Variants in COG5 observed in about 807,000 individuals in gnomAD.
COG5 encodes the protein component of oligomeric golgi complex 5, also known as conserved oligomeric Golgi complex subunit 5.
COG5 carries 86 observed loss-of-function variants against 110.4 expected under a neutral mutation model. The ratio of observed to expected loss-of-function variants is 0.78; its 90% CI spans 0.65 to 0.93. COG5 has a LOEUF of 0.93. Ranked by LOEUF, COG5 falls within the 40% of genes least tolerant of loss-of-function variation. The pLI, the probability that COG5 is intolerant of heterozygous loss-of-function variation, is 0.00. For synonymous variants in COG5, 360 were observed against 334.6 expected (o/e 1.08, Z -0.83); for missense variants, 1,077 against 987.0 (o/e 1.09, Z -1.22).
chr7:107,461,529 T>G (rs1471921661), intron 6 of COG5, among the ~76,000 whole-genome samples: 2 of 152,212 alleles, frequency 1.3e-5, no homozygotes, highest in Non-Finnish European at 2.9e-5. Context: ...CAGTTATGTC[T>G]GCTCTCACCA....
intron 6 of COG5, among the ~76,000 whole-genome samples, chr7:107,415,112 G>C (rs1319597745): frequency 3.9e-5 from 6 of 152,190 alleles, no homozygotes; most frequent in African/African-American, 1.4e-4. Flanking sequence ...AAAGAATTCA[G>C]CTATGCACTT....
At chr7:107,352,039 G>A (rs1245347999) in intron 10 of COG5, among the ~76,000 whole-genome samples, 1 of 145,850 alleles carries the variant, frequency 6.9e-6, no homozygotes, top group Non-Finnish European at 1.5e-5. Context: ...ATTCACAATA[G>A]CAAAGACTTG....
intron 5 of COG5, 23 bp from the exon 6 acceptor site, chr7:107,527,380 A>G: frequency 6.2e-7 from 1 of 1,612,132 alleles, no homozygotes; most frequent in Non-Finnish European, 8.5e-7. Context: ...CACAATGTTA[A>G]GTTAGTTGAT....
At chr7:107,256,980 T>G (rs1802936820) in intron 15 of COG5, among the ~76,000 whole-genome samples, 186 bp from the exon 16 acceptor site, 1 of 152,174 alleles carries the variant, frequency 6.6e-6, no homozygotes, top group Non-Finnish European at 1.5e-5. Flanking sequence ...AAAATAATTT[T>G]GTGTATAAAG....
chr7:107,485,881 A>T lies in COG5; in HGVS notation c.538+41356T>A, dbSNP rs145264575. Among the ~76,000 whole-genome samples, 189 of 152,274 alleles carry T rather than the reference A, an allele frequency of 1.2e-3. 2 individuals are homozygous for T. The highest frequency in any genetic ancestry group is 4.3e-3 in the African/African-American group (180 of 41,570). On this transcript the variant is annotated intron_variant, in intron 6 of 21. Coordinates refer to ENST00000297135, the MANE Select transcript of COG5 (RefSeq NM_006348.5). The stretch of plus-strand genomic sequence containing the variant: ...GCTCAAAGGAAAAGGAGGCACATGT[A>T]CCTGGAAAAGCTGTAGAAAACAAAT...
At chr7:107,500,824 T>A (rs1798587125) in intron 6 of COG5, among the ~76,000 whole-genome samples, 1 of 152,082 alleles carries the variant, frequency 6.6e-6, no homozygotes, top group Non-Finnish European at 1.5e-5. Context: ...AACTGCAAGC[T>A]ATTTTACTGA....
chr7:107,267,417 A>G (rs1803890042), intron 14 of COG5, among the ~76,000 whole-genome samples: 1 of 152,190 alleles, frequency 6.6e-6, no homozygotes, highest in Non-Finnish European at 1.5e-5. Context: ...CCCATGACCT[A>G]AACACTGGCC....
intron 16 of COG5, among the ~76,000 whole-genome samples, chr7:107,249,132 T>C (rs1274642422): frequency 1.3e-5 from 2 of 152,200 alleles, no homozygotes; most frequent in African/African-American, 2.4e-5. Context: ...ATGTTTCTAA[T>C]AGGGCACAAC....
chr7:107,551,852 G>A (rs1802911953), intron 3 of COG5, among the ~76,000 whole-genome samples: 1 of 152,182 alleles, frequency 6.6e-6, no homozygotes, highest in African/African-American at 2.4e-5. Flanking sequence ...CTGGGATCAA[G>A]TGAACCTCCC....
intron 14 of COG5, among the ~76,000 whole-genome samples, chr7:107,276,121 C>G (rs1433278008): frequency 6.6e-6 from 1 of 152,162 alleles, no homozygotes. Context: ...TGCCAATCTC[C>G]TTTCTCACAG....
At chr7:107,408,684 C>A (rs1792047632) in intron 7 of COG5, among the ~76,000 whole-genome samples, 1 of 152,164 alleles carries the variant, frequency 6.6e-6, no homozygotes, top group Non-Finnish European at 1.5e-5. Context: ...TCTAATGGGG[C>A]CTGGTGTATA....
chr7:107,461,602 A>C (rs1563048876), intron 6 of COG5, among the ~76,000 whole-genome samples: 1 of 152,220 alleles, frequency 6.6e-6, no homozygotes, highest in East Asian at 1.9e-4. Context: ...AACAGATTTA[A>C]GATTGAAAAG....
intron 1 of COG5, chr7:107,563,558 G>GC (rs1804166912): frequency 2.4e-6 from 1 of 416,850 alleles, no homozygotes; most frequent in Non-Finnish European, 4.2e-6. Context: ...GGGGGGGGGG[G>GC]TCGAGTTGAA....
intron 7 of COG5, among the ~76,000 whole-genome samples, chr7:107,411,483 G>C (rs1792292886): frequency 6.6e-6 from 1 of 152,100 alleles, no homozygotes; most frequent in African/African-American, 2.4e-5. Context: ...GAAGCCAGAA[G>C]AGAGTAAAAA....
At chr7:107,350,889 C>A (rs1455391266) in intron 10 of COG5, among the ~76,000 whole-genome samples, 1 of 152,200 alleles carries the variant, frequency 6.6e-6, no homozygotes, top group Non-Finnish European at 1.5e-5. Context: ...ATTCACCTAT[C>A]ACTCACAAAT....
intron 7 of COG5, among the ~76,000 whole-genome samples, chr7:107,405,310 T>C (rs1343733196): frequency 6.6e-6 from 1 of 152,160 alleles, no homozygotes; most frequent in Non-Finnish European, 1.5e-5. Flanking sequence ...GACTGAACAA[T>C]GGTTCGTTTC....
intron 7 of COG5, among the ~76,000 whole-genome samples, chr7:107,393,775 T>C (rs545253895): frequency 1.6e-4 from 24 of 152,324 alleles, no homozygotes; most frequent in African/African-American, 5.3e-4. Flanking sequence ...AGATAAATTA[T>C]ACTGCAAAAG....
intron 19 of COG5, among the ~76,000 whole-genome samples, chr7:107,228,778 A>AG (rs1385540005): frequency 6.8e-6 from 1 of 146,330 alleles, no homozygotes; most frequent in Non-Finnish European, 1.5e-5. Flanking sequence ...GTTGCCATTA[A>AG]AAAAAAAAAA....
intron 7 of COG5, among the ~76,000 whole-genome samples, chr7:107,378,505 C>T (rs1443958809): frequency 6.6e-6 from 1 of 151,956 alleles, no homozygotes; most frequent in Non-Finnish European, 1.5e-5. Context: ...TAACCCAATG[C>T]AAGGAAGCTA....
Sources: gnomAD v4.1 joint callset for allele counts (sites outside exome capture counted in the v4.1 genomes callset) on GRCh38, gnomAD v4.1.1 for gene constraint, MANE v1.5 for transcripts, NCBI Gene and HGNC (gene_info 2026-07-23, HGNC 2026-07-21) for gene names.